MGA: variants seen among roughly 807,000 people sequenced by gnomAD.
The protein encoded by MGA is MAX dimerization protein MGA.
In MGA, 40 loss-of-function variants were observed where a neutral mutation model predicts 261.1. That is an observed-to-expected ratio of 0.15 (90% CI 0.12 to 0.20). The LOEUF is 0.20. Among genes scored for constraint, MGA ranks in the 10% least tolerant of loss-of-function variants. MGA has a pLI of 1.00. For missense variants in MGA, 3,397 were observed against 3,630.5 expected, an observed-to-expected ratio of 0.94 and a Z score of 1.65; for synonymous variants, 1,302 against 1,290.6, an observed-to-expected ratio of 1.01 and a Z score of -0.19.
At chr15:41,692,911 C>G (rs1469776659) in intron 2 of MGA, among the ~76,000 whole-genome samples, 2 of 152,100 alleles carry the variant, frequency 1.3e-5, no homozygotes, top group Non-Finnish European at 2.9e-5. Flanking sequence ...CGGGGTTTTA[C>G]CATGTTGAAC....
chr15:41,766,534 G>A lies in MGA; in HGVS notation c.8452G>A (p.Asp2818Asn), dbSNP rs2063806686. Residue 2818 changes from aspartate (D) to asparagine (N), a missense_variant, in exon 24 of 24, where the codon GAT (aspartate) becomes AAT (asparagine). Asp to Asn is a conservative substitution (Grantham distance 23). This residue lies in a region of MGA where 647 missense variants were observed against 642.4 expected (regional missense o/e 1.01). Coordinates refer to ENST00000219905, the MANE Select transcript of MGA (RefSeq NM_001164273.2). ...GCTGACTAACATGGAAGATGAGGAT[G>A]ATACTGATGAGACACTGACTTCACT... 6.2e-7 allele frequency: 1 copy of A among 1,613,818 alleles called. No individual in the cohort carries two copies.
chr15:41,709,786 C>CTTT (rs59998889), intron 7 of MGA, among the ~76,000 whole-genome samples: 1 of 135,312 alleles, frequency 7.4e-6, no homozygotes, highest in Non-Finnish European at 1.6e-5. Flanking sequence ...GCTTTAATTT[C>CTTT]TTTTTTTTTT....
intron 14 of MGA, among the ~76,000 whole-genome samples, chr15:41,741,445 G>A (rs1175386933): frequency 1.3e-5 from 2 of 151,298 alleles, no homozygotes; most frequent in South Asian, 4.2e-4. Flanking sequence ...ATCCTGATCT[G>A]TTTGGAGAAA....
chr15:41,703,099 C>CT (rs976737054), intron 5 of MGA, among the ~76,000 whole-genome samples: 139 of 151,754 alleles, frequency 9.2e-4, no homozygotes, highest in Admixed American at 3.6e-3. Flanking sequence ...ACCCAATGTC[C>CT]TTTTTTTTGC....
rs774416781 is a variant in MGA, at chr15:41,711,324, C to G, written c.3059C>G (p.Ser1020Cys). 2 of 1,608,350 alleles carry G rather than the reference C, an allele frequency of 1.2e-6. No individual in the cohort carries two copies. The highest frequency in any genetic ancestry group is 2.2e-5 in the East Asian group (1 of 44,836). Residue 1020 changes from serine to cysteine, a missense_variant, in exon 8 of 24, where the codon TCC becomes TGC. This residue lies in a region of MGA where 519 missense variants were observed against 554.1 expected (regional missense o/e 0.94). Coordinates refer to ENST00000219905, the MANE Select transcript of MGA (RefSeq NM_001164273.2). The stretch of plus-strand genomic sequence containing the variant: ...ATCACAGAAGAGCGAGCAGATGTAT[C>G]CTTAACAACTCTACTTACAGCTCAA...
chr15:41,750,603 T>C lies in MGA; in HGVS notation c.6996T>C (p.Asp2332=). 6.2e-7 allele frequency: 1 copy of C among 1,606,092 alleles called. No homozygotes were observed. The highest frequency in any genetic ancestry group is 1.1e-5 in the South Asian group (1 of 89,692). ...CTGACTACCAGAGTGAGGAGGTTGA[T>C]GATGTAGAAAAGGTGGTGAGCCCAT... Residue 2332 remains aspartate, a synonymous_variant, in exon 17 of 24, where the codon GAT becomes GAC. Coordinates refer to ENST00000219905, the MANE Select transcript of MGA (RefSeq NM_001164273.2).
At chr15:41,641,551 G>A (rs935231466) in intron 1 of MGA, among the ~76,000 whole-genome samples, 5 of 147,304 alleles carry the variant, frequency 3.4e-5, no homozygotes, top group Admixed American at 6.9e-5. Context: ...GTGCAGTGGC[G>A]TAATCTTAGC....
intron 9 of MGA, among the ~76,000 whole-genome samples, chr15:41,724,734 CTAAATT>C (rs1252507453): frequency 6.6e-6 from 1 of 152,108 alleles, no homozygotes; most frequent in Non-Finnish European, 1.5e-5. Flanking sequence ...TATAAAGGAG[CTAAATT>C]TTAAAAGGTA....
At chr15:41,697,067 A>T (rs1424179354) in intron 3 of MGA, 44 bp downstream of exon 3, 6 of 1,396,874 alleles carry the variant, frequency 4.3e-6, no homozygotes, top group Non-Finnish European at 5.7e-6. Context: ...AATTAGTCAT[A>T]CTTGAATTGT....
At chr15:41,669,994 G>A (rs1037450295) in intron 2 of MGA, 36 bp downstream of exon 2, 1 of 1,527,542 alleles carries the variant, frequency 6.5e-7, no homozygotes, top group Middle Eastern at 1.7e-4. Context: ...GAAATAAAAG[G>A]AAGATTGAGA....
At chr15:41,760,240 G>A in intron 19 of MGA, 83 bp from the exon 20 acceptor site, 1 of 1,342,754 alleles carries the variant, frequency 7.4e-7, no homozygotes, top group Non-Finnish European at 1.1e-6. Context: ...ATGAGTGCCT[G>A]AAATAGGGCA....
chr15:41,698,772 T>G (rs2059678891), intron 3 of MGA, 91 bp from the exon 4 acceptor site: 1 of 963,910 alleles, frequency 1.0e-6, no homozygotes, highest in Non-Finnish European at 1.5e-6. Context: ...GATATTTTCC[T>G]TCTGGTCTTT....
At chr15:41,706,582 T>TC (rs915568375) in intron 5 of MGA, among the ~76,000 whole-genome samples, 19 of 110,006 alleles carry the variant, frequency 1.7e-4, no homozygotes, top group South Asian at 3.6e-4. Context: ...TTTTTTTTTT[T>TC]CCCTTTTTTT....
chr15:41,733,044 C>G (rs538054352), intron 11 of MGA, among the ~76,000 whole-genome samples: 1 of 152,104 alleles, frequency 6.6e-6, no homozygotes, highest in African/African-American at 2.4e-5. Context: ...CTGCAACCAC[C>G]GTCTCTGGGG....
chr15:41,706,326 CTTTT>C (rs879582074), intron 5 of MGA, among the ~76,000 whole-genome samples: 1 of 138,728 alleles, frequency 7.2e-6, no homozygotes, highest in Non-Finnish European at 1.6e-5. Context: ...AAATAGCTGT[CTTTT>C]TTTTTTTTTT....
Position 41,710,842 on chromosome 15 carries a change from T to C in MGA, c.2577T>C (p.Thr859=). The C allele has an allele frequency of 1.2e-6, 2 of 1,613,986 alleles. No individual in the cohort carries two copies. The highest frequency in any genetic ancestry group is 4.5e-5 in the East Asian group (2 of 44,888). ...CTCCTGTGGTGTACCAGCTTCCCAC[T>C]AAGAGTACCAGTTATGTACGAACAC... The change falls in exon 8 of 24, where the codon ACT becomes ACC. Residue 859 remains threonine (T), a synonymous_variant. Coordinates refer to ENST00000219905, the MANE Select transcript of MGA (RefSeq NM_001164273.2).
intron 2 of MGA, among the ~76,000 whole-genome samples, chr15:41,693,420 G>A (rs1311922277): frequency 6.7e-6 from 1 of 149,548 alleles, no homozygotes; most frequent in African/African-American, 2.5e-5. Flanking sequence ...TTGGTTTTTC[G>A]TTCTTGTGAT....
Position 41,766,972 on chromosome 15 carries a change from C to A in MGA, c.8890C>A (p.Pro2964Thr), listed in dbSNP as rs368218967. Reference sequence around the variant, plus strand: ...TGCAGAGCCCGAAAGTGTGTCCTCACCCCCCACCCTACACATGAAGACTGG... The same window carrying A: ...TGCAGAGCCCGAAAGTGTGTCCTCAACCCCCACCCTACACATGAAGACTGG... The change falls in exon 24 of 24, where the codon CCC (proline) becomes ACC (threonine). Residue 2964 changes from proline (P) to threonine (T), a missense_variant. Transcript: ENST00000219905. The A allele has an allele frequency of 6.2e-7, 1 of 1,613,946 alleles. No individual in the cohort carries two copies. The highest frequency in any genetic ancestry group is 8.5e-7 in the Non-Finnish European group (1 of 1,179,878).
intron 2 of MGA, chr15:41,684,614 C>G (rs2058850415): frequency 4.4e-6 from 1 of 227,440 alleles, no homozygotes; most frequent in Non-Finnish European, 9.0e-6. Context: ...CAGATCTAGC[C>G]TCAGAGGTTT....
Sources: gnomAD v4.1 joint callset for allele counts (sites outside exome capture counted in the v4.1 genomes callset) on GRCh38, gnomAD v4.1.1 for gene constraint, gnomAD v4.1.1 regional missense constraint, MANE v1.5 for transcripts, NCBI Gene and HGNC (gene_info 2026-07-23, HGNC 2026-07-21) for gene names.